NFKBID: variants seen among roughly 807,000 people sequenced by gnomAD.
NFKBID encodes NFKB inhibitor delta, also known as NF-kappa-B inhibitor delta.
A neutral mutation model predicts 53.4 loss-of-function variants in NFKBID; 26 were observed. The ratio of observed to expected loss-of-function variants is 0.49; its 90% CI spans 0.36 to 0.68. The LOEUF (loss-of-function observed/expected upper bound fraction) is 0.68, where lower values mean the gene tolerates loss of function less well. Among genes scored for constraint, NFKBID ranks in the 30% least tolerant of loss-of-function variants. The pLI, the probability that NFKBID is intolerant of heterozygous loss-of-function variation, is 0.00. For synonymous variants in NFKBID, 262 were observed against 259.8 expected, an observed-to-expected ratio of 1.01 and a Z score of -0.08; for missense variants, 493 against 614.1, an observed-to-expected ratio of 0.80 and a Z score of 2.08.
Position 35,896,421 on chromosome 19 carries a change from C to T in NFKBID, c.802G>A (p.Ala268Thr), listed in dbSNP as rs1242981163. ...AGAACTCCTGGGAGCCCGTAGGTAG[C>T]GGCCACGTGCAAGACCGAACGTCCC... The change falls in exon 7 of 12, where the codon GCT becomes ACT. Residue 268 changes from alanine (A) to threonine (T), a missense_variant. This residue lies in a region of NFKBID where 267 missense variants were observed against 384.6 expected (regional missense o/e 0.69). Transcript: ENST00000641389. This position sits in a 1 kb window ranked among gnomAD's most constrained non-coding sequence, Gnocchi z 5.7. The T allele has an allele frequency of 5.0e-6, 8 of 1,614,186 alleles. No homozygotes were observed. In the East Asian group the frequency reaches 1.1e-4, roughly 22 times the overall value.
chr19:35,889,986 C>T, exon 11 of NFKBID: 1 of 1,610,974 alleles, frequency 6.2e-7, no homozygotes, highest in Non-Finnish European at 8.5e-7. Context: ...ACAGGTGCCG[C>T]ACGATGGCCT....
At chr19:35,893,312 C>T (rs1366118621) in intron 9 of NFKBID, among the ~76,000 whole-genome samples, 1 of 152,154 alleles carries the variant, frequency 6.6e-6, no homozygotes, top group Non-Finnish European at 1.5e-5. Flanking sequence ...CCCAAATGAT[C>T]ACTTAGCTCT....
chr19:35,892,772 A>G (rs947833721), intron 9 of NFKBID, among the ~76,000 whole-genome samples: 1 of 152,188 alleles, frequency 6.6e-6, no homozygotes, highest in African/African-American at 2.4e-5. Flanking sequence ...TCTCATCCCA[A>G]TTTGTAATTA....
At chr19:35,890,398 G>T (rs1231046626) in exon 10 of NFKBID, 3 of 1,613,544 alleles carry the variant, frequency 1.9e-6, no homozygotes, top group Admixed American at 1.7e-5. Flanking sequence ...AGGTCCGCAG[G>T]TCTCCCCGGG....
At chr19:35,897,163 C>T in intron 4 of NFKBID, 105 bp from the exon 5 acceptor site, 1 of 1,200,098 alleles carries the variant, frequency 8.3e-7, no homozygotes, top group Non-Finnish European at 1.2e-6. Context: ...TCCCAAGCCA[C>T]CACACACACA....
chr19:35,897,705 G>A (rs1177517356), exon 4 of NFKBID: 3 of 1,612,280 alleles, frequency 1.9e-6, no homozygotes, highest in African/African-American at 1.3e-5. Context: ...GTGGGTAGAA[G>A]TCAGGAGGCA....
chr19:35,896,378 C>T lies in NFKBID; in HGVS notation c.831+14G>A, dbSNP rs1975152039. The T allele has an allele frequency of 6.2e-7, 1 of 1,614,020 alleles. No individual in the cohort carries two copies. ...TACCCCCCAGACAAACCCCTGCCTG[C>T]CAGCTGGCCATACCAAGAGAACTCC... On this transcript the variant is annotated intron_variant, in intron 7 of 11. Transcript: ENST00000641389. The surrounding 1 kb of genome is among the most constrained non-coding windows in gnomAD (Gnocchi z 5.7).
chr19:35,890,713 A>T, intron 9 of NFKBID: 1 of 566,348 alleles, frequency 1.8e-6, no homozygotes, highest in Non-Finnish European at 3.3e-6. Context: ...AAAATAGAAA[A>T]ATTAGCCAGG....
intron 11 of NFKBID, 23 bp from the exon 12 acceptor site, chr19:35,888,635 A>G (rs1434979583): frequency 6.4e-7 from 1 of 1,563,452 alleles, no homozygotes; most frequent in East Asian, 2.4e-5. Flanking sequence ...CAAAGGAGGG[A>G]GAGAAGTCTG....
chr19:35,888,298 G>A lies in NFKBID; in HGVS notation c.*261C>T, dbSNP rs374580567. 1.7e-4 allele frequency: 84 copies of A among 501,888 alleles called. 1 individual carries two copies. The East Asian group carries it at 2.0e-3, about 12-fold the overall frequency. 31.1% of individuals were successfully genotyped at this position (501,888 alleles called of 1,614,324 possible). ...CAGTGGGGAAAGGACTAGGGGTGCAGGGTGTTTCACAGAAACAATCAAGGG... is the reference window on the plus strand; with the variant it reads ...CAGTGGGGAAAGGACTAGGGGTGCAAGGTGTTTCACAGAAACAATCAAGGG... On this transcript the variant is annotated 3_prime_UTR_variant, in exon 12 of 12. Transcript: ENST00000641389.
At position 35,898,588 on chromosome 19, in the gene NFKBID, G is replaced by C. The variant is rs974917464; in HGVS notation, c.166-56C>G. On this transcript the variant is annotated intron_variant, in intron 2 of 11. Coordinates refer to ENST00000641389, the Ensembl canonical transcript of NFKBID. ...GTGACTTTATCTGGCAGATTCCTCC[G>C]GGTCTGTCTCGGATCTATAAGACAT... The C allele has an allele frequency of 5.7e-5, 83 of 1,444,478 alleles. No homozygotes were observed. The South Asian group carries it at 5.8e-4, about 10-fold the overall frequency. 89.5% of individuals were successfully genotyped at this position (1,444,478 alleles called of 1,614,324 possible). A position where few individuals can be genotyped will look rare whatever the true frequency, so the allele number is the denominator to read the frequency against.
intron 9 of NFKBID, chr19:35,890,789 A>T (rs1974714742): frequency 1.3e-5 from 5 of 393,976 alleles, no homozygotes; most frequent in Non-Finnish European, 2.5e-5. Context: ...ATTTGAGCCT[A>T]GGAGTTCACG....
chr19:35,900,437 A>T lies in NFKBID; in HGVS notation c.61+5T>A. 8.1e-7 allele frequency: 1 copy of T among 1,231,638 alleles called. No homozygotes were observed. Among genetic ancestry groups the T allele is most frequent in the Non-Finnish European group, 1.0e-6 (1 of 987,660 alleles). 76.3% of individuals were successfully genotyped at this position (1,231,638 alleles called of 1,614,324 possible). On this transcript the variant is annotated splice_donor_5th_base_variant and intron_variant, in intron 1 of 11. Transcript: ENST00000641389. ...GGCCGAACGCGTCCTGCCCGCGCCCATTACCTCGGGGATTCCGTGGCGTGG... is the reference window on the plus strand; with the variant it reads ...GGCCGAACGCGTCCTGCCCGCGCCCTTTACCTCGGGGATTCCGTGGCGTGG...
Position 35,898,949 on chromosome 19 carries a change from G to C in NFKBID, c.62-127C>G, listed in dbSNP as rs183782210. 1.0e-4 allele frequency: 65 copies of C among 646,382 alleles called. 1 individual carries two copies. The African/African-American group carries it at 1.1e-3, about 11-fold the overall frequency. The allele number at this position is 646,382 out of a possible 1,614,324, so 40.0% of individuals were successfully genotyped here. A position where few individuals can be genotyped will look rare whatever the true frequency, so the allele number is the denominator to read the frequency against. ...TCCCGCGCGGAAAAACTGGCACATA[G>C]ATGCCGCCTGACTCCTCCAAAGCCA... On this transcript the variant is annotated intron_variant, in intron 1 of 11. Coordinates refer to ENST00000641389, the Ensembl canonical transcript of NFKBID.
chr19:35,888,902 C>T (rs1396512669), intron 11 of NFKBID, among the ~76,000 whole-genome samples: 3 of 152,032 alleles, frequency 2.0e-5, no homozygotes, highest in Admixed American at 6.6e-5. Flanking sequence ...AAAAATTAGC[C>T]GGGCATGGTG....
Position 35,898,548 on chromosome 19 carries a change from C to T in NFKBID, c.166-16G>A, listed in dbSNP as rs1975351730. The T allele has an allele frequency of 2.0e-6, 3 of 1,518,554 alleles. No homozygotes were observed. The highest frequency in any genetic ancestry group is 2.6e-6 in the Non-Finnish European group (3 of 1,140,248). 94.1% of individuals were successfully genotyped at this position (1,518,554 alleles called of 1,614,324 possible). Reference sequence around the variant, plus strand: ...GAAATTGTCCCTGTAGAGACAAAAGCAAAAAGGAACCCAGGTGACTTTATC... The same window carrying T: ...GAAATTGTCCCTGTAGAGACAAAAGTAAAAAGGAACCCAGGTGACTTTATC... On this transcript the variant is annotated splice_polypyrimidine_tract_variant and intron_variant, in intron 2 of 11. Coordinates refer to ENST00000641389, the Ensembl canonical transcript of NFKBID.
intron 9 of NFKBID, among the ~76,000 whole-genome samples, chr19:35,895,633 C>T (rs1975087214): frequency 6.6e-6 from 1 of 151,842 alleles, no homozygotes. Flanking sequence ...GAAAGCCTGT[C>T]TCTACTAAAA....
chr19:35,888,405 T>C (rs1974530526), exon 12 of NFKBID: 4 of 624,876 alleles, frequency 6.4e-6, no homozygotes, highest in Admixed American at 2.6e-5. Context: ...TTGGGGCCTG[T>C]TCACCCCTCT....
upstream of NFKBID, chr19:35,902,080 C>T: frequency 2.9e-6 from 2 of 680,364 alleles, no homozygotes; most frequent in East Asian, 2.7e-5. Context: ...GCCTTATCCC[C>T]TGAACTCCTA....
Sources: gnomAD v4.1 joint callset for allele counts (sites outside exome capture counted in the v4.1 genomes callset) on GRCh38, gnomAD v4.1.1 for gene constraint, gnomAD v4.1.1 regional missense constraint, Gnocchi (gnomAD v3.1) non-coding constraint, MANE v1.5 for transcripts, NCBI Gene and HGNC (gene_info 2026-07-23, HGNC 2026-07-21) for gene names.